CD48: variants seen among roughly 807,000 people sequenced by gnomAD.
CD48 encodes CD48 antigen.
A neutral mutation model predicts 22.0 loss-of-function variants in CD48; 20 were observed. The observed-to-expected ratio is 0.91, with a 90% CI of 0.64 to 1.32. The LOEUF (loss-of-function observed/expected upper bound fraction) is 1.32, where lower values mean the gene tolerates loss of function less well. CD48 is among the 40% of genes most tolerant of loss of function. CD48 has a pLI of 0.00. For missense variants in CD48, 307 were observed against 286.5 expected, an observed-to-expected ratio of 1.07 and a Z score of -0.52; for synonymous variants, 110 against 110.1, an observed-to-expected ratio of 1.00 and a Z score of 0.01.
intron 1 of CD48, among the ~76,000 whole-genome samples, chr1:160,697,143 GAAAACTAATT>G (rs1291954792): frequency 6.6e-6 from 1 of 152,084 alleles, no homozygotes; most frequent in Non-Finnish European, 1.5e-5. Flanking sequence ...CCACATGAAG[GAAAACTAATT>G]TAGTGGAAAG....
chr1:160,687,262 A>T (rs974412369), intron 1 of CD48, among the ~76,000 whole-genome samples: 1 of 138,268 alleles, frequency 7.2e-6, no homozygotes, highest in Admixed American at 7.1e-5. Flanking sequence ...CATTGCTGTT[A>T]TCTTGTTCTT....
At chr1:160,693,819 G>C (rs546775877) in intron 1 of CD48, among the ~76,000 whole-genome samples, 2 of 152,390 alleles carry the variant, frequency 1.3e-5, no homozygotes, top group Non-Finnish European at 2.9e-5. Context: ...ACAAACTGGG[G>C]CATTCCCAAT....
At chr1:160,709,332 A>C (rs1163723025) in intron 1 of CD48, among the ~76,000 whole-genome samples, 1 of 152,172 alleles carries the variant, frequency 6.6e-6, no homozygotes, top group Non-Finnish European at 1.5e-5. Flanking sequence ...CGCATGTGTC[A>C]CAATTGCAAA....
At chr1:160,696,443 C>G (rs1232304882) in intron 1 of CD48, among the ~76,000 whole-genome samples, 1 of 152,276 alleles carries the variant, frequency 6.6e-6, no homozygotes, top group Admixed American at 6.5e-5. Context: ...GGGCCTTTGA[C>G]TAAAGCAAAT....
chr1:160,700,415 T>A (rs945406931), intron 1 of CD48, among the ~76,000 whole-genome samples: 1 of 152,192 alleles, frequency 6.6e-6, no homozygotes, highest in African/African-American at 2.4e-5. Flanking sequence ...CAAGCCTGTC[T>A]AATTAATATG....
chr1:160,705,103 A>G lies in CD48; in HGVS notation c.82+6579T>C, dbSNP rs146233147. ...CTAGCTGTTCACTTTCCACATATCC[A>G]TCATTTCCAAAAACATTCTCAACCA... On this transcript the variant is annotated intron_variant, in intron 1 of 3. Coordinates refer to ENST00000368046, the MANE Select transcript of CD48 (RefSeq NM_001778.4). 9.6e-3 allele frequency among the ~76,000 whole-genome samples: 1,467 copies of G among 152,324 alleles called. 18 individuals are homozygous for G. Among genetic ancestry groups the G allele is most frequent in the Admixed American group, 0.028 (421 of 15,302 alleles).
intron 3 of CD48, 30 bp downstream of exon 3, chr1:160,681,171 GC>G (rs112983858): frequency 7.8e-5 from 126 of 1,613,858 alleles, no homozygotes; most frequent in South Asian, 2.0e-4. Flanking sequence ...GTTACCCTGT[GC>G]CCCCCTCAGC....
intron 1 of CD48, among the ~76,000 whole-genome samples, chr1:160,697,380 A>G (rs1018914861): frequency 1.3e-5 from 2 of 152,214 alleles, no homozygotes; most frequent in African/African-American, 2.4e-5. Context: ...TATGTTAATG[A>G]TAGTGTATGG....
At chr1:160,687,079 G>A (rs919774906) in intron 1 of CD48, among the ~76,000 whole-genome samples, 1 of 152,136 alleles carries the variant, frequency 6.6e-6, no homozygotes, top group East Asian at 1.9e-4. Context: ...TGGGGGTGCT[G>A]TTTATAAGCC....
intron 1 of CD48, among the ~76,000 whole-genome samples, chr1:160,698,229 C>T (rs1662501537): frequency 6.6e-6 from 1 of 152,140 alleles, no homozygotes; most frequent in Non-Finnish European, 1.5e-5. Flanking sequence ...AGATTGTTTA[C>T]TTGCATTGAT....
intron 3 of CD48, chr1:160,680,528 C>G: frequency 2.0e-6 from 2 of 978,166 alleles, no homozygotes; most frequent in Non-Finnish European, 2.4e-6. Context: ...CCAGGTATGA[C>G]TGACTCTAAA....
At chr1:160,681,148 C>T (rs6667145) in intron 3 of CD48, 54 bp downstream of exon 3, 163,430 of 1,613,220 alleles carry the variant, frequency 0.1, 8,831 homozygotes, top group Middle Eastern at 0.13. Flanking sequence ...TTTCTTTGTT[C>T]AAAACAACTC....
At position 160,685,173 on chromosome 1, in the gene CD48, C is replaced by A; in HGVS notation, c.99G>T (p.Met33Ile). The A allele has an allele frequency of 1.9e-6, 3 of 1,607,922 alleles. No homozygotes were observed. Among genetic ancestry groups the A allele is most frequent in the South Asian group, 2.2e-5 (2 of 90,636 alleles). The stretch of plus-strand genomic sequence containing the variant: ...TCACGTTGCTGCCGGAGACCACGGT[C>A]ATATGTACCAAGTGACCTGCCAATG... Reference protein sequence around the residue: ...VTSIQGHLVHMTVVSGSNVTL... With the variant: ...VTSIQGHLVHITVVSGSNVTL... Residue 33 changes from methionine to isoleucine, a missense_variant, in exon 2 of 4, where the codon ATG becomes ATT. Coordinates refer to ENST00000368046, the MANE Select transcript of CD48 (RefSeq NM_001778.4).
At chr1:160,710,833 T>C (rs1294684689) in intron 1 of CD48, among the ~76,000 whole-genome samples, 1 of 152,234 alleles carries the variant, frequency 6.6e-6, no homozygotes, top group African/African-American at 2.4e-5. Context: ...TATGCCACAG[T>C]GTGACTACCA....
intron 1 of CD48, among the ~76,000 whole-genome samples, chr1:160,702,342 A>G (rs910975657): frequency 6.6e-6 from 1 of 152,072 alleles, no homozygotes; most frequent in African/African-American, 2.4e-5. Flanking sequence ...AGAGGCTGGG[A>G]CCTATTTGGT....
intron 2 of CD48, 71 bp downstream of exon 2, chr1:160,684,816 C>T (rs761793360): frequency 1.9e-6 from 3 of 1,613,926 alleles, no homozygotes; most frequent in South Asian, 1.1e-5. Context: ...CCCATGCCTC[C>T]CAGGAAGCCC....
At chr1:160,680,391 G>T in intron 3 of CD48, 2 of 174,230 alleles carry the variant, frequency 1.1e-5, no homozygotes, top group Non-Finnish European at 2.3e-5. Flanking sequence ...AGGCAGTTAC[G>T]TGTCTTGTCT....
chr1:160,683,300 A>T (rs1661871801), intron 2 of CD48, among the ~76,000 whole-genome samples: 1 of 152,178 alleles, frequency 6.6e-6, no homozygotes, highest in Non-Finnish European at 1.5e-5. Context: ...GCTGTCAGAA[A>T]TGCTTGGGCT....
chr1:160,680,976 A>G, intron 3 of CD48: 1 of 1,431,840 alleles, frequency 7.0e-7, no homozygotes, highest in South Asian at 1.5e-5. Context: ...TCTCTCCCAA[A>G]CGTCCTTTGC....
Sources: allele counts gnomAD v4.1 joint callset (sites outside exome capture counted in the v4.1 genomes callset), GRCh38; gene constraint gnomAD v4.1.1; transcripts MANE v1.5; gene names NCBI Gene and HGNC (gene_info 2026-07-23, HGNC 2026-07-21).